The following FNDC3B variants were observed in gnomAD, a reference collection of about 807,000 sequenced individuals.
FNDC3B encodes fibronectin type III domain containing 3B, also known as fibronectin type III domain-containing protein 3B.
A neutral mutation model predicts 151.5 loss-of-function variants in FNDC3B; 12 were observed. The ratio of observed to expected loss-of-function variants is 0.08; its 90% confidence interval spans 0.05 to 0.13. The LOEUF (loss-of-function observed/expected upper bound fraction) is 0.13. FNDC3B is among the 10% of genes least tolerant of loss of function. FNDC3B has a pLI of 1.00. For synonymous variants in FNDC3B, 528 were observed against 549.0 expected, an observed-to-expected ratio of 0.96 and a Z score of 0.54; for missense variants, 1,214 against 1,505.3, an observed-to-expected ratio of 0.81 and a Z score of 3.20.
At chr3:172,353,380 G>A (rs1733948047) in intron 22 of FNDC3B, among the ~76,000 whole-genome samples, 1 of 152,172 alleles carries the variant, frequency 6.6e-6, no homozygotes, top group African/African-American at 2.4e-5. Context: ...TTATAAAAGG[G>A]CTTTGGCAAT....
intron 1 of FNDC3B, among the ~76,000 whole-genome samples, chr3:172,053,317 C>CT (rs568354510): frequency 5.3e-5 from 8 of 152,162 alleles, no homozygotes; most frequent in Non-Finnish European, 7.4e-5. Context: ...GATTTTAAAA[C>CT]TTTTTTTTAA....
intron 3 of FNDC3B, among the ~76,000 whole-genome samples, chr3:172,156,562 T>G (rs1239642193): frequency 6.6e-6 from 1 of 152,210 alleles, no homozygotes; most frequent in Non-Finnish European, 1.5e-5. Flanking sequence ...AGGAACCAGG[T>G]AGGCCTGAGG....
chr3:172,203,823 C>CT (rs929096043), intron 3 of FNDC3B, among the ~76,000 whole-genome samples: 22 of 152,144 alleles, frequency 1.4e-4, no homozygotes, highest in African/African-American at 5.1e-4. Flanking sequence ...TTTCCCGTCA[C>CT]TTTTTTTCCC....
chr3:172,211,963 A>C (rs2108713541), intron 3 of FNDC3B, among the ~76,000 whole-genome samples: 1 of 152,340 alleles, frequency 6.6e-6, no homozygotes, highest in Non-Finnish European at 1.5e-5. Context: ...CTACTTCCTT[A>C]TTCTTAGATG....
intron 1 of FNDC3B, among the ~76,000 whole-genome samples, chr3:172,099,646 A>G (rs78622298): frequency 0.029 from 4,473 of 152,244 alleles, 194 homozygotes; most frequent in African/African-American, 0.093. Flanking sequence ...CAGTTTTCTT[A>G]GCCCTCCAGC....
At chr3:172,092,301 AATGCCTGAGCCCCTGTCAT>A (rs1718876427) in intron 1 of FNDC3B, among the ~76,000 whole-genome samples, 1 of 152,288 alleles carries the variant, frequency 6.6e-6, no homozygotes, top group South Asian at 2.1e-4. Context: ...GAGTTCATCA[AATGCCTGAGCCCCTGTCAT>A]ATGCTGGACT....
At chr3:172,060,135 C>G (rs749849794) in intron 1 of FNDC3B, among the ~76,000 whole-genome samples, 4 of 152,222 alleles carry the variant, frequency 2.6e-5, no homozygotes, top group Middle Eastern at 3.4e-3. Flanking sequence ...GAAGAGAGAA[C>G]CCTCATAGTC....
intron 3 of FNDC3B, among the ~76,000 whole-genome samples, chr3:172,186,336 C>T (rs1724181612): frequency 6.6e-6 from 1 of 152,170 alleles, no homozygotes; most frequent in Admixed American, 6.5e-5. Flanking sequence ...AAGAAAAGAA[C>T]TCCCAATTTG....
At chr3:172,145,718 A>T (rs534412761) in intron 3 of FNDC3B, among the ~76,000 whole-genome samples, 1 of 152,200 alleles carries the variant, frequency 6.6e-6, no homozygotes, top group African/African-American at 2.4e-5. Context: ...TACTTAGGCA[A>T]TGCTAGAACT....
chr3:172,388,469 A>G (rs1267997597), intron 25 of FNDC3B, among the ~76,000 whole-genome samples: 2 of 152,248 alleles, frequency 1.3e-5, no homozygotes, highest in Non-Finnish European at 2.9e-5. Flanking sequence ...TTCAATAAAA[A>G]AAATCTCAAA....
chr3:172,270,267 C>T (rs1336696795), intron 6 of FNDC3B, among the ~76,000 whole-genome samples: 1 of 152,282 alleles, frequency 6.6e-6, no homozygotes. Flanking sequence ...AGCTGTTGTT[C>T]CCTTAAAATT....
intron 4 of FNDC3B, among the ~76,000 whole-genome samples, chr3:172,236,394 A>G (rs1455649842): frequency 6.6e-6 from 1 of 152,224 alleles, no homozygotes; most frequent in Non-Finnish European, 1.5e-5. Context: ...TTCCTCAGCT[A>G]GAATTTAGGA....
At chr3:172,226,248 TG>T (rs1328459011) in intron 3 of FNDC3B, among the ~76,000 whole-genome samples, 2 of 146,580 alleles carry the variant, frequency 1.4e-5, no homozygotes, top group African/African-American at 5.1e-5. Flanking sequence ...GAGGTTGCAG[TG>T]AGCCGAGATC....
chr3:172,145,853 G>A (rs1576906669), intron 3 of FNDC3B, among the ~76,000 whole-genome samples: 3 of 120,914 alleles, frequency 2.5e-5, no homozygotes, highest in Non-Finnish European at 5.0e-5. Context: ...CACTCTTGTT[G>A]CCCAGGCTGG....
intron 7 of FNDC3B, among the ~76,000 whole-genome samples, chr3:172,294,130 G>A (rs1388553223): frequency 6.6e-6 from 1 of 152,134 alleles, no homozygotes; most frequent in Non-Finnish European, 1.5e-5. Flanking sequence ...CATATTTTAG[G>A]TTGGGTTTCT....
chr3:172,267,083 A>G lies in FNDC3B; in HGVS notation c.790+15542A>G, dbSNP rs189414723. ...GCAGCAAGTATCTGTCTCTACTAAC[A>G]CAGGCCAAGAATCATTTAGCAGAGC... On this transcript the variant is annotated intron_variant, in intron 6 of 25. Transcript: ENST00000415807. Among the ~76,000 whole-genome samples the G allele has an allele frequency of 4.6e-5, 7 of 152,270 alleles. No individual in the cohort carries two copies. In the East Asian group the frequency reaches 1.3e-3, roughly 29 times the overall value.
At chr3:172,079,051 G>A (rs1171141363) in intron 1 of FNDC3B, among the ~76,000 whole-genome samples, 2 of 152,186 alleles carry the variant, frequency 1.3e-5, no homozygotes, top group Non-Finnish European at 2.9e-5. Context: ...TATGTATGCA[G>A]TAGGCCCTTG....
At chr3:172,045,455 C>G (rs1007213673) in intron 1 of FNDC3B, among the ~76,000 whole-genome samples, 1 of 152,128 alleles carries the variant, frequency 6.6e-6, no homozygotes, top group Non-Finnish European at 1.5e-5. Context: ...GAGGAACGTT[C>G]AGTACTGAAT....
intron 25 of FNDC3B, among the ~76,000 whole-genome samples, chr3:172,384,638 C>G (rs967479568): frequency 6.6e-6 from 1 of 152,128 alleles, no homozygotes; most frequent in Non-Finnish European, 1.5e-5. Flanking sequence ...GAAAAATGTT[C>G]TGCTTCCCAA....
Sources: allele counts gnomAD v4.1 joint callset (sites outside exome capture counted in the v4.1 genomes callset), GRCh38; gene constraint gnomAD v4.1.1; transcripts MANE v1.5; gene names NCBI Gene and HGNC (gene_info 2026-07-23, HGNC 2026-07-21).